Variants in FARP1 observed in about 807,000 individuals in gnomAD.
FARP1 encodes the protein FERM, ARHGEF and pleckstrin domain-containing protein 1.
Under a neutral mutation model 128.8 loss-of-function variants are expected in FARP1, and 52 were observed. The observed-to-expected ratio is 0.40, with a 90% CI of 0.32 to 0.51. FARP1 has a LOEUF of 0.51. Among genes scored for constraint, FARP1 ranks in the 20% least tolerant of loss-of-function variants. The pLI is 0.45. For missense variants in FARP1, 1,333 were observed against 1,367.9 expected (o/e 0.97, Z 0.40); for synonymous variants, 580 against 551.8 (o/e 1.05, Z -0.72).
chr13:98,245,253 T>C, intron 2 of FARP1: 1 of 984,886 alleles, frequency 1.0e-6, no homozygotes, highest in Non-Finnish European at 1.2e-6. Flanking sequence ...AAAGAATGGA[T>C]TGTTAATTGT....
intron 2 of FARP1, among the ~76,000 whole-genome samples, chr13:98,250,176 G>A (rs1883253882): frequency 6.6e-6 from 1 of 152,110 alleles, no homozygotes; most frequent in African/African-American, 2.4e-5. Context: ...AAAGAAATGT[G>A]GGATTTAAAA....
rs538796846 is a variant in FARP1 at position 98,384,339 on chromosome 13, C to T, written c.497-391C>T. 4 of 183,682 alleles carry T rather than the reference C, an allele frequency of 2.2e-5. No homozygotes were observed. In the East Asian group the frequency reaches 4.0e-4, roughly 19 times the overall value. 11.4% of individuals were successfully genotyped at this position (183,682 alleles called of 1,614,324 possible). A position where few individuals can be genotyped will look rare whatever the true frequency, so the allele number is the denominator to read the frequency against. ...TCCCAGGTCGCTGGGATTACAGGTGCCCGCCACCGTACCCAGCCAATTTTT... is the reference window on the plus strand; with the variant it reads ...TCCCAGGTCGCTGGGATTACAGGTGTCCGCCACCGTACCCAGCCAATTTTT... On this transcript the variant is annotated intron_variant, in intron 6 of 26. Transcript: ENST00000319562.
chr13:98,280,638 G>GT (rs1320333915), intron 2 of FARP1, among the ~76,000 whole-genome samples: 2 of 152,082 alleles, frequency 1.3e-5, no homozygotes, highest in Admixed American at 1.3e-4. Context: ...ACCCTGGGGG[G>GT]TTTCTGTTCA....
In FARP1 at chr13:98,148,553, TA is replaced by T. The variant is rs536882658; in HGVS notation, c.-24+5064del. 2.2e-3 allele frequency among the ~76,000 whole-genome samples: 328 copies of T among 152,360 alleles called. 4 individuals are homozygous for T. The highest frequency in any genetic ancestry group is 6.6e-3 in the African/African-American group (275 of 41,588). On this transcript the variant is annotated intron_variant, in intron 1 of 26. Transcript: ENST00000319562. ...AATTGTTTTATATGGTACTTGTCTG[TA>T]AATTTAATGTGCTCACCATTCCTTT...
chr13:98,388,249 T>G, intron 8 of FARP1, 134 bp from the exon 9 acceptor site: 1 of 649,252 alleles, frequency 1.5e-6, no homozygotes, highest in Non-Finnish European at 2.8e-6. Flanking sequence ...ATCCTGTGAG[T>G]TCTCTGCAAA....
chr13:98,147,830 CT>C (rs1218879545), intron 1 of FARP1, among the ~76,000 whole-genome samples: 3 of 11,838 alleles, frequency 2.5e-4, no homozygotes, highest in Non-Finnish European at 0.01. Context: ...CTAATTTTTT[CT>C]TTAAAAAAAT....
chr13:98,390,743 C>A, intron 10 of FARP1, 69 bp from the exon 11 acceptor site: 1 of 1,175,400 alleles, frequency 8.5e-7, no homozygotes, highest in South Asian at 1.3e-5. Context: ...AGCCCTGAAG[C>A]ATCATTTGTG....
At chr13:98,202,448 T>C (rs1880011040) in intron 1 of FARP1, among the ~76,000 whole-genome samples, 1 of 152,224 alleles carries the variant, frequency 6.6e-6, no homozygotes, top group Non-Finnish European at 1.5e-5. Context: ...TTGGACTTCT[T>C]CTTTGAATAA....
At chr13:98,414,485 G>A (rs752250524) in intron 16 of FARP1, among the ~76,000 whole-genome samples, 1 of 152,192 alleles carries the variant, frequency 6.6e-6, no homozygotes, top group East Asian at 1.9e-4. Context: ...GTGTGAATGA[G>A]TTTAGTATGA....
At chr13:98,284,652 C>CTGTT (rs111600555) in intron 2 of FARP1, among the ~76,000 whole-genome samples, 7 of 152,140 alleles carry the variant, frequency 4.6e-5, no homozygotes, top group African/African-American at 1.7e-4. Context: ...TCTCAAGTAT[C>CTGTT]TGAGTTACTG....
At chr13:98,355,887 T>C (rs1255493310) in intron 3 of FARP1, among the ~76,000 whole-genome samples, 17 of 152,236 alleles carry the variant, frequency 1.1e-4, no homozygotes, top group African/African-American at 4.1e-4. Flanking sequence ...GTATTTCATT[T>C]CTAAATCTAT....
At chr13:98,185,652 T>C (rs1260486192) in intron 1 of FARP1, among the ~76,000 whole-genome samples, 1 of 152,144 alleles carries the variant, frequency 6.6e-6, no homozygotes, top group African/African-American at 2.4e-5. Context: ...ATTAGTTTTT[T>C]TTTTTTTTGG....
chr13:98,214,573 G>C (rs1469725094), intron 2 of FARP1, among the ~76,000 whole-genome samples: 5 of 152,020 alleles, frequency 3.3e-5, no homozygotes, highest in Non-Finnish European at 7.3e-5. Context: ...ATCACTTATG[G>C]GATATGAGTC....
Position 98,209,909 on chromosome 13 carries a change from G to T in FARP1, c.-23-3311G>T, listed in dbSNP as rs533053656. Among the ~76,000 whole-genome samples, 81 of 151,264 alleles carry T rather than the reference G, an allele frequency of 5.4e-4. 1 individual carries two copies. The highest frequency in any genetic ancestry group is 1.9e-3 in the African/African-American group (79 of 41,326). On this transcript the variant is annotated intron_variant, in intron 1 of 26. Coordinates refer to ENST00000319562, the MANE Select transcript of FARP1 (RefSeq NM_005766.4). The stretch of plus-strand genomic sequence containing the variant: ...AGGCAGGAGAATTGCTTGAACCTGG[G>T]AGGTGGAGGTTGCAGTGAGCCGAGA...
intron 1 of FARP1, among the ~76,000 whole-genome samples, chr13:98,189,216 C>T (rs900290432): frequency 6.6e-6 from 1 of 151,260 alleles, no homozygotes; most frequent in African/African-American, 2.4e-5. Context: ...TCAAGTAGAT[C>T]AGGCAGCTGG....
At chr13:98,184,879 G>A (rs1216020659) in intron 1 of FARP1, among the ~76,000 whole-genome samples, 1 of 152,112 alleles carries the variant, frequency 6.6e-6, no homozygotes, top group Non-Finnish European at 1.5e-5. Flanking sequence ...AAGATACTTT[G>A]AACAGGGAAG....
chr13:98,298,404 C>T (rs912450386), intron 2 of FARP1, among the ~76,000 whole-genome samples: 1 of 152,210 alleles, frequency 6.6e-6, no homozygotes. Context: ...CTGTAACTTA[C>T]TAGCATAGAA....
rs779194598 is a variant in FARP1, at chr13:98,410,743, A to C, written c.1612A>C (p.Thr538Pro). The C allele has an allele frequency of 1.3e-6, 2 of 1,594,500 alleles. No individual in the cohort carries two copies. Among genetic ancestry groups the C allele is most frequent in the South Asian group, 1.1e-5 (1 of 89,424 alleles). ...EDEGRRKRFPTDKAYFIAKEV... is the reference protein window; with the variant it reads ...EDEGRRKRFPPDKAYFIAKEV... ...TTGCTGGGTTTTGCAGAGATTCCCA[A>C]CTGATAAAGCGTACTTCATAGCTAA... Residue 538 changes from threonine to proline, a missense_variant, in exon 15 of 27, where the codon ACT (threonine) becomes CCT (proline). Physicochemically the swap from Thr to Pro is conservative, Grantham distance 38 (BLOSUM62 -1). Around this residue, in one of 2 missense-constraint regions of FARP1, gnomAD observed 1,009 missense variants for 969.8 expected, o/e 1.04. Transcript: ENST00000319562.
chr13:98,367,341 G>T (rs796671814), intron 4 of FARP1, among the ~76,000 whole-genome samples: 11 of 152,236 alleles, frequency 7.2e-5, no homozygotes, highest in African/African-American at 2.4e-4. Flanking sequence ...TACAGACAGG[G>T]TTTTGCCATC....
Sources: gnomAD v4.1 joint callset for allele counts (sites outside exome capture counted in the v4.1 genomes callset) on GRCh38, gnomAD v4.1.1 for gene constraint, gnomAD v4.1.1 regional missense constraint, MANE v1.5 for transcripts, NCBI Gene and HGNC (gene_info 2026-07-23, HGNC 2026-07-21) for gene names.